Variants in NRG1 observed in about 807,000 individuals in gnomAD.
NRG1 encodes neuregulin 1.
NRG1 carries 18 observed loss-of-function variants against 63.8 expected under a neutral mutation model. That is an observed-to-expected ratio of 0.28 (90% CI 0.19 to 0.42). The LOEUF is 0.42. NRG1 is among the 10% of genes least tolerant of loss of function. NRG1 has a pLI of 1.00. For missense variants in NRG1, 762 were observed against 814.7 expected (o/e 0.94, Z 0.79); for synonymous variants, 302 against 301.3 (o/e 1.00, Z -0.02).
intron 1 of NRG1, among the ~76,000 whole-genome samples, chr8:32,209,903 T>C (rs890672232): frequency 6.6e-6 from 1 of 152,204 alleles, no homozygotes; most frequent in African/African-American, 2.4e-5. Context: ...CTTCTGGGTC[T>C]CTTTGTTATA....
At chr8:32,149,568 A>G (rs1050588567) in intron 1 of NRG1, among the ~76,000 whole-genome samples, 1 of 152,178 alleles carries the variant, frequency 6.6e-6, no homozygotes, top group Admixed American at 6.5e-5. Context: ...TTATGGGCTT[A>G]TATGTTTTCT....
At chr8:32,504,304 C>T (rs1828271462) in intron 1 of NRG1, among the ~76,000 whole-genome samples, 1 of 152,158 alleles carries the variant, frequency 6.6e-6, no homozygotes, top group Non-Finnish European at 1.5e-5. Context: ...GGAACCCTCT[C>T]CTGCCCTGCT....
intron 1 of NRG1, among the ~76,000 whole-genome samples, chr8:31,815,498 C>T (rs1370751633): frequency 6.6e-6 from 1 of 152,146 alleles, no homozygotes; most frequent in East Asian, 1.9e-4. Flanking sequence ...TTCATCCAGC[C>T]ACGGGTACTT....
chr8:32,401,655 G>T (rs1813226406), intron 1 of NRG1, among the ~76,000 whole-genome samples: 1 of 152,082 alleles, frequency 6.6e-6, no homozygotes, highest in African/African-American at 2.4e-5. Context: ...AATACCACAT[G>T]CCCTCACTTA....
intron 1 of NRG1, among the ~76,000 whole-genome samples, chr8:32,453,237 T>C (rs185253989): frequency 1.1e-3 from 173 of 152,226 alleles, no homozygotes; most frequent in African/African-American, 3.9e-3. Flanking sequence ...TTGGTCAACA[T>C]TGGAAGAAAA....
At chr8:31,959,333 C>A (rs1805020250) in intron 1 of NRG1, among the ~76,000 whole-genome samples, 1 of 152,148 alleles carries the variant, frequency 6.6e-6, no homozygotes. Context: ...AGTCAGGTTT[C>A]TAAAAAGTTA....
intron 1 of NRG1, among the ~76,000 whole-genome samples, chr8:31,706,680 C>T (rs1811182889): frequency 6.6e-6 from 1 of 152,134 alleles, no homozygotes; most frequent in South Asian, 2.1e-4. Context: ...GAGATTGTTC[C>T]TTTTTCCTCA....
intron 1 of NRG1, among the ~76,000 whole-genome samples, chr8:32,421,370 A>T (rs1211812869): frequency 6.6e-6 from 1 of 152,210 alleles, no homozygotes; most frequent in African/African-American, 2.4e-5. Context: ...TACTCCTGGC[A>T]TACCATTTGT....
chr8:32,683,188 G>T (rs1434650583), intron 5 of NRG1, among the ~76,000 whole-genome samples: 1 of 152,148 alleles, frequency 6.6e-6, no homozygotes, highest in Admixed American at 6.5e-5. Context: ...ATGACCAGAA[G>T]CCAACAGAGT....
chr8:32,629,747 TA>T (rs2129543883), intron 5 of NRG1, among the ~76,000 whole-genome samples: 1 of 152,322 alleles, frequency 6.6e-6, no homozygotes, highest in African/African-American at 2.4e-5. Context: ...TGGTAATTTA[TA>T]AAAATCAGTT....
intron 1 of NRG1, among the ~76,000 whole-genome samples, chr8:32,052,858 A>G (rs1168817010): frequency 6.6e-6 from 1 of 152,098 alleles, no homozygotes; most frequent in Non-Finnish European, 1.5e-5. Flanking sequence ...AACTGAGGAG[A>G]ACCAGGGTTC....
chr8:32,609,997 C>T (rs1588673490), intron 3 of NRG1, among the ~76,000 whole-genome samples: 1 of 150,188 alleles, frequency 6.7e-6, no homozygotes, highest in African/African-American at 2.5e-5. Context: ...ATTGTGGATT[C>T]TAGAAAAAAA....
chr8:32,082,769 C>T (rs1827660483), intron 1 of NRG1, among the ~76,000 whole-genome samples: 1 of 152,052 alleles, frequency 6.6e-6, no homozygotes, highest in Admixed American at 6.6e-5. Context: ...GCTTGGTTCT[C>T]TAGGTATCAA....
At chr8:31,935,875 A>G (rs755489888) in intron 1 of NRG1, among the ~76,000 whole-genome samples, 3 of 152,164 alleles carry the variant, frequency 2.0e-5, no homozygotes, top group Non-Finnish European at 4.4e-5. Flanking sequence ...CTATTGTTTC[A>G]CAGTAGGCTT....
At chr8:32,743,426 CA>C (rs1355719245) in intron 7 of NRG1, among the ~76,000 whole-genome samples, 2 of 151,250 alleles carry the variant, frequency 1.3e-5, no homozygotes, top group Non-Finnish European at 1.5e-5. Flanking sequence ...ATGTTAGTTT[CA>C]AAAGTAACTT....
At chr8:31,657,815 A>T (rs1805578275) in intron 1 of NRG1, among the ~76,000 whole-genome samples, 1 of 152,226 alleles carries the variant, frequency 6.6e-6, no homozygotes, top group Non-Finnish European at 1.5e-5. Flanking sequence ...TTTAAAGGTC[A>T]TGCAGCTGCT....
chr8:31,757,490 G>A (rs1817090332), intron 1 of NRG1, among the ~76,000 whole-genome samples: 1 of 152,064 alleles, frequency 6.6e-6, no homozygotes, highest in Admixed American at 6.6e-5. Context: ...CATTTGTGCT[G>A]GGGATGATTT....
chr8:32,467,506 A>G (rs1823220134), intron 1 of NRG1, among the ~76,000 whole-genome samples: 1 of 152,220 alleles, frequency 6.6e-6, no homozygotes, highest in South Asian at 2.1e-4. Context: ...TAGCTGCTGC[A>G]TAAGAAAATT....
intron 1 of NRG1, among the ~76,000 whole-genome samples, chr8:31,946,489 T>G (rs918798780): frequency 6.6e-6 from 1 of 152,230 alleles, no homozygotes; most frequent in Non-Finnish European, 1.5e-5. Flanking sequence ...ACAATGAAGA[T>G]TTATATCTAA....
Sources: allele counts gnomAD v4.1 joint callset (sites outside exome capture counted in the v4.1 genomes callset), GRCh38; gene constraint gnomAD v4.1.1; transcripts MANE v1.5; gene names NCBI Gene and HGNC (gene_info 2026-07-23, HGNC 2026-07-21).